RYR3: variants seen among roughly 807,000 people sequenced by gnomAD.
The protein encoded by RYR3 is ryanodine receptor 3.
A neutral mutation model predicts 584.3 loss-of-function variants in RYR3; 207 were observed. That is an observed-to-expected ratio of 0.35 (90% CI 0.32 to 0.40). RYR3 has a LOEUF of 0.40. RYR3 is among the 10% of genes least tolerant of loss of function. The pLI, the probability that RYR3 is intolerant of heterozygous loss-of-function variation, is 1.00. For missense variants in RYR3, 5,616 were observed against 6,089.2 expected (o/e 0.92, Z 2.59); for synonymous variants, 2,416 against 2,248.5 (o/e 1.07, Z -2.11).
At chr15:33,312,488 A>T (rs1402492289) in intron 1 of RYR3, among the ~76,000 whole-genome samples, 1 of 151,984 alleles carries the variant, frequency 6.6e-6, no homozygotes, top group East Asian at 1.9e-4. Flanking sequence ...CTCATCTCTC[A>T]CACTGCACAC....
chr15:33,552,980 T>C (rs1225926436), intron 10 of RYR3, among the ~76,000 whole-genome samples: 2 of 152,172 alleles, frequency 1.3e-5, no homozygotes, highest in Non-Finnish European at 2.9e-5. Context: ...GTAAGGGCAC[T>C]GAATCATCTC....
intron 16 of RYR3, among the ~76,000 whole-genome samples, chr15:33,598,246 CAAA>C (rs35785154): frequency 4.0e-5 from 3 of 74,278 alleles, no homozygotes; most frequent in Non-Finnish European, 7.8e-5. Flanking sequence ...AAAAATTGCT[CAAA>C]AAAAAAAAAA....
intron 3 of RYR3, among the ~76,000 whole-genome samples, chr15:33,509,616 A>G (rs2052793328): frequency 6.6e-6 from 1 of 152,228 alleles, no homozygotes; most frequent in Non-Finnish European, 1.5e-5. Context: ...AGGAGAGTTC[A>G]TAAGATTTCC....
chr15:33,809,797 G>T (rs999789795), intron 70 of RYR3, among the ~76,000 whole-genome samples: 4 of 151,938 alleles, frequency 2.6e-5, no homozygotes, highest in Non-Finnish European at 5.9e-5. Context: ...CACCGCACCT[G>T]GCCTGGATTC....
At chr15:33,381,422 CAT>C (rs145819628) in intron 1 of RYR3, among the ~76,000 whole-genome samples, 22,561 of 152,092 alleles carry the variant, frequency 0.15, 1,948 homozygotes, top group African/African-American at 0.24. Context: ...TCAATAAACA[CAT>C]ATTGAATTAA....
intron 13 of RYR3, among the ~76,000 whole-genome samples, chr15:33,581,053 G>C (rs571941082): frequency 1.4e-5 from 2 of 143,370 alleles, no homozygotes; most frequent in East Asian, 4.5e-4. Flanking sequence ...GGCCGGGGGG[G>C]TGGGGAGGTA....
intron 8 of RYR3, among the ~76,000 whole-genome samples, chr15:33,547,859 TG>T (rs2056363291): frequency 6.6e-6 from 1 of 152,238 alleles, no homozygotes; most frequent in Non-Finnish European, 1.5e-5. Context: ...GAGATGTTCT[TG>T]TTCCTGCCTT....
At chr15:33,684,672 A>C (rs1275270093) in intron 38 of RYR3, among the ~76,000 whole-genome samples, 1 of 152,214 alleles carries the variant, frequency 6.6e-6, no homozygotes, top group Non-Finnish European at 1.5e-5. Flanking sequence ...GGTTGAAATG[A>C]AGGAAAAAAT....
intron 45 of RYR3, among the ~76,000 whole-genome samples, chr15:33,725,725 C>T (rs539860282): frequency 5.3e-5 from 8 of 150,092 alleles, no homozygotes; most frequent in African/African-American, 1.7e-4. Context: ...TTTGGGAGGC[C>T]GAGATGGGCA....
intron 1 of RYR3, among the ~76,000 whole-genome samples, chr15:33,453,263 A>G (rs2047279270): frequency 6.6e-6 from 1 of 152,216 alleles, no homozygotes; most frequent in Non-Finnish European, 1.5e-5. Context: ...CTTAATTACT[A>G]TTCAGATGGC....
At chr15:33,541,979 C>T (rs1463870395) in intron 7 of RYR3, among the ~76,000 whole-genome samples, 1 of 151,974 alleles carries the variant, frequency 6.6e-6, no homozygotes, top group Non-Finnish European at 1.5e-5. Context: ...TTTATTTTCA[C>T]CATAGGAATA....
intron 32 of RYR3, among the ~76,000 whole-genome samples, chr15:33,653,263 A>C (rs913115122): frequency 1.4e-4 from 21 of 152,254 alleles, no homozygotes; most frequent in Admixed American, 8.5e-4. Context: ...TCTCACTTTA[A>C]GAAACTTCTG....
chr15:33,826,238 T>G lies in RYR3; in HGVS notation c.11147-14T>G. 1 of 1,613,252 alleles carries G rather than the reference T, an allele frequency of 6.2e-7. No homozygotes were observed. The highest frequency in any genetic ancestry group is 8.5e-7 in the Non-Finnish European group (1 of 1,179,214). ...TTCTTACTTTCTATTCTTCTGTTTT[T>G]CTCTCATTACCAGTCATTGTTCGGG... On this transcript the variant is annotated splice_polypyrimidine_tract_variant and intron_variant, in intron 82 of 103. Coordinates refer to ENST00000634891, the MANE Select transcript of RYR3 (RefSeq NM_001036.6).
At chr15:33,811,494 G>A (rs2076541206) in intron 72 of RYR3, among the ~76,000 whole-genome samples, 1 of 141,662 alleles carries the variant, frequency 7.1e-6, no homozygotes, top group Non-Finnish European at 1.5e-5. Flanking sequence ...CTGGGTAACA[G>A]AGCAAGACTC....
At chr15:33,465,733 T>C in intron 1 of RYR3, 1 of 519,074 alleles carries the variant, frequency 1.9e-6, no homozygotes, top group Non-Finnish European at 3.8e-6. Flanking sequence ...CAAGAGATGA[T>C]GGCTGAGCTA....
intron 1 of RYR3, among the ~76,000 whole-genome samples, chr15:33,353,743 T>G (rs1973585838): frequency 6.6e-6 from 1 of 152,202 alleles, no homozygotes; most frequent in Admixed American, 6.5e-5. Flanking sequence ...CGGAGCAGTT[T>G]TCCCTCAATT....
intron 3 of RYR3, among the ~76,000 whole-genome samples, chr15:33,514,476 C>T (rs1402347841): frequency 2.0e-5 from 3 of 151,954 alleles, no homozygotes; most frequent in Non-Finnish European, 4.4e-5. Context: ...TTTTAAACGC[C>T]CTTCTCTCTG....
At position 33,660,256 on chromosome 15, in the gene RYR3, G is replaced by A; in HGVS notation, c.4455G>A (p.Gln1485=). The A allele has an allele frequency of 6.4e-7, 1 of 1,555,064 alleles. No homozygotes were observed. The highest frequency in any genetic ancestry group is 1.2e-5 in the South Asian group (1 of 84,170). ...GTGAAGAGAAGAACCCAGTCCCACAGTGTCCACCTCGGCTGGACGTCCAAA... is the reference window on the plus strand; with the variant it reads ...GTGAAGAGAAGAACCCAGTCCCACAATGTCCACCTCGGCTGGACGTCCAAA... The part of the protein sequence containing the change: ...FRSEEKNPVP[Q]CPPRLDVQTI... Residue 1485 remains glutamine, a synonymous_variant, in exon 34 of 104, where the codon CAG becomes CAA. Transcript: ENST00000634891.
At chr15:33,771,807 C>T in intron 62 of RYR3, 113 bp from the exon 63 acceptor site, 2 of 703,000 alleles carry the variant, frequency 2.8e-6, no homozygotes, top group South Asian at 3.5e-5. Context: ...GACACAGTGT[C>T]ATTGAGTGAC....
Sources: allele counts gnomAD v4.1 joint callset (sites outside exome capture counted in the v4.1 genomes callset), GRCh38; gene constraint gnomAD v4.1.1; transcripts MANE v1.5; gene names NCBI Gene and HGNC (gene_info 2026-07-23, HGNC 2026-07-21).